The following YEATS2 variants were observed in gnomAD, a reference collection of about 807,000 sequenced individuals.
YEATS2 encodes YEATS domain containing 2, also known as YEATS domain-containing protein 2.
A neutral mutation model predicts 163.2 loss-of-function variants in YEATS2; 77 were observed. The observed-to-expected ratio is 0.47, with a 90% CI of 0.39 to 0.57. The LOEUF is 0.57. Ranked by LOEUF, YEATS2 falls within the 20% of genes least tolerant of loss-of-function variation. YEATS2 has a pLI of 0.00. For synonymous variants in YEATS2, 631 were observed against 645.1 expected (o/e 0.98, Z 0.33); for missense variants, 1,549 against 1,729.8 (o/e 0.90, Z 1.85).
intron 30 of YEATS2, 31 bp from the exon 31 acceptor site, chr3:183,810,444 A>G (rs893202898): frequency 1.3e-6 from 2 of 1,573,358 alleles, no homozygotes; most frequent in Non-Finnish European, 1.7e-6. Context: ...AGAGAATTTC[A>G]CCTGGTAACA....
At chr3:183,708,412 G>A (rs1215646568) in intron 1 of YEATS2, among the ~76,000 whole-genome samples, 3 of 152,194 alleles carry the variant, frequency 2.0e-5, no homozygotes, top group Non-Finnish European at 4.4e-5. Context: ...CAATGGTAGA[G>A]TTCTAGGACT....
At chr3:183,709,395 G>A (rs1307411841) in intron 1 of YEATS2, among the ~76,000 whole-genome samples, 1 of 151,600 alleles carries the variant, frequency 6.6e-6, no homozygotes, top group East Asian at 2.0e-4. Context: ...GCAGTGGCAT[G>A]ATCTCGGCTC....
intron 6 of YEATS2, among the ~76,000 whole-genome samples, chr3:183,725,064 T>TA (rs1553861059): frequency 4.5e-5 from 6 of 132,648 alleles, no homozygotes; most frequent in East Asian, 5.1e-4. Context: ...TTTTTTTTTT[T>TA]ATCGTTTTAT....
intron 8 of YEATS2, among the ~76,000 whole-genome samples, chr3:183,741,063 C>CA: frequency 6.6e-6 from 1 of 152,178 alleles, no homozygotes; most frequent in South Asian, 2.1e-4. Flanking sequence ...CTCAGCCTCC[C>CA]AAGTAGCTAG....
At position 183,786,187 on chromosome 3, in the gene YEATS2, A is replaced by G. The variant is rs1226307303; in HGVS notation, c.2799A>G (p.Pro933=). The G allele has an allele frequency of 1.9e-6, 3 of 1,614,076 alleles. No individual in the cohort carries two copies. The highest frequency in any genetic ancestry group is 2.7e-5 in the African/African-American group (2 of 74,930). Residue 933 remains proline (P), a synonymous_variant, in exon 20 of 31, where the codon CCA becomes CCG. Transcript: ENST00000305135. ...CCGATAGCACCTTGAAGACTGTGCC[A>G]GCCACCTCACAGCTCTCGAAGCCTG... The part of the protein sequence containing the change: ...KISDSTLKTV[P]ATSQLSKPGT...
In YEATS2 at chr3:183,756,646, C is replaced by A; in HGVS notation, c.1509C>A (p.Asp503Glu). The change falls in exon 12 of 31, where the codon GAC becomes GAA. Residue 503 changes from aspartate (D) to glutamate (E), a missense_variant. Physicochemically the swap from Asp to Glu is conservative, Grantham distance 45. Coordinates refer to ENST00000305135, the MANE Select transcript of YEATS2 (RefSeq NM_018023.5). ...TTAATAATCCTTATGTTATCATGGA[C>A]AAGCAGCCGGGGCAGGTGATTGGAG... is the stretch of plus-strand genomic sequence containing the variant. Reference protein sequence around the residue: ...SVINNPYVIMDKQPGQVIGAT... With the variant: ...SVINNPYVIMEKQPGQVIGAT... 1 of 1,596,700 alleles carries A rather than the reference C, an allele frequency of 6.3e-7. No homozygotes were observed. Among genetic ancestry groups the A allele is most frequent in the Non-Finnish European group, 8.5e-7 (1 of 1,171,958 alleles).
At chr3:183,800,215 C>T (rs1181613774) in intron 23 of YEATS2, among the ~76,000 whole-genome samples, 1 of 152,120 alleles carries the variant, frequency 6.6e-6, no homozygotes, top group Non-Finnish European at 1.5e-5. Flanking sequence ...TAAGAAATAT[C>T]TAAGGAGCCA....
chr3:183,762,250 G>A lies in YEATS2; in HGVS notation c.1918G>A (p.Ala640Thr). The A allele has an allele frequency of 6.2e-7, 1 of 1,607,140 alleles. No individual in the cohort carries two copies. Among genetic ancestry groups the A allele is most frequent in the Non-Finnish European group, 8.5e-7 (1 of 1,174,664 alleles). The stretch of plus-strand genomic sequence containing the variant: ...GGTCATAACTCCTGGAGAAGGGATT[G>A]CCCAGTCAGCAAAGGTTCAGCCCTC... ...KQVITPGEGI[A>T]QSAKVQPSKV... Residue 640 changes from alanine to threonine, a missense_variant, in exon 15 of 31, where the codon GCC (alanine) becomes ACC (threonine). Physicochemically the swap from Ala to Thr is moderately conservative, Grantham distance 58. Coordinates refer to ENST00000305135, the MANE Select transcript of YEATS2 (RefSeq NM_018023.5).
At chr3:183,797,675 G>A (rs1273026189) in intron 21 of YEATS2, among the ~76,000 whole-genome samples, 1 of 151,936 alleles carries the variant, frequency 6.6e-6, no homozygotes, top group Non-Finnish European at 1.5e-5. Context: ...GCACTAAGCC[G>A]AGATCGCGTC....
chr3:183,773,934 A>G, intron 17 of YEATS2, 140 bp downstream of exon 17: 1 of 974,930 alleles, frequency 1.0e-6, no homozygotes, highest in Non-Finnish European at 1.4e-6. Flanking sequence ...GCATTTGCTC[A>G]GATGGATTTA....
chr3:183,810,597 C>A lies in YEATS2; in HGVS notation c.*14C>A. 6.2e-7 allele frequency: 1 copy of A among 1,609,434 alleles called. No individual in the cohort carries two copies. The highest frequency in any genetic ancestry group is 8.5e-7 in the Non-Finnish European group (1 of 1,176,024). ...GAGGACCAGTGAGCGGAGTGAGGTG[C>A]CCTGGAGAAGCAGGCTTTGAAGGCA... is the stretch of plus-strand genomic sequence containing the variant. On this transcript the variant is annotated 3_prime_UTR_variant, in exon 31 of 31. Transcript: ENST00000305135.
intron 8 of YEATS2, among the ~76,000 whole-genome samples, chr3:183,740,595 C>T (rs991728480): frequency 6.6e-6 from 1 of 152,218 alleles, no homozygotes; most frequent in Non-Finnish European, 1.5e-5. Flanking sequence ...CCTAGCTCTT[C>T]AATTCTGTCA....
intron 4 of YEATS2, 112 bp from the exon 5 acceptor site, chr3:183,721,779 G>C: frequency 1.4e-6 from 2 of 1,414,266 alleles, no homozygotes; most frequent in South Asian, 2.8e-5. Context: ...GGGAGATTTT[G>C]AAAGATTTTA....
At chr3:183,703,824 G>A (rs544021511) in intron 1 of YEATS2, among the ~76,000 whole-genome samples, 1 of 152,040 alleles carries the variant, frequency 6.6e-6, no homozygotes, top group Non-Finnish European at 1.5e-5. Context: ...TTCAGGAAAT[G>A]GATCATATGT....
chr3:183,711,314 A>C (rs549905084), intron 1 of YEATS2, among the ~76,000 whole-genome samples: 2 of 143,074 alleles, frequency 1.4e-5, no homozygotes, highest in Non-Finnish European at 3.0e-5. Context: ...ACAAAAATAC[A>C]AAAAAAAAAT....
intron 19 of YEATS2, among the ~76,000 whole-genome samples, chr3:183,778,581 C>T (rs747478951): frequency 1.3e-5 from 2 of 152,088 alleles, no homozygotes; most frequent in Non-Finnish European, 1.5e-5. Context: ...GTCTCCAGCT[C>T]GTGACCTCAG....
intron 1 of YEATS2, among the ~76,000 whole-genome samples, chr3:183,712,634 C>T (rs1715388197): frequency 6.6e-6 from 1 of 152,118 alleles, no homozygotes; most frequent in Non-Finnish European, 1.5e-5. Flanking sequence ...TAGATTAACA[C>T]TGTAAGGGAT....
At chr3:183,709,652 A>T (rs1714978659) in intron 1 of YEATS2, among the ~76,000 whole-genome samples, 1 of 148,454 alleles carries the variant, frequency 6.7e-6, no homozygotes, top group Non-Finnish European at 1.5e-5. Context: ...ACTTTTTATA[A>T]TGAGGCTGTT....
rs1284600052 is a variant in YEATS2, at chr3:183,806,948, G to C, written c.3867G>C (p.Glu1289Asp). The change falls in exon 28 of 31, where the codon GAG (glutamate) becomes GAC (aspartate). Residue 1289 changes from glutamate (E) to aspartate (D), a missense_variant. Coordinates refer to ENST00000305135, the MANE Select transcript of YEATS2 (RefSeq NM_018023.5). The part of the protein sequence containing the change: ...DLQQFQKREP[E>D]NEEEVDILSL... ...AACAGTTCCAGAAAAGGGAACCCGA[G>C]AATGAGGAGGAGGTGGACATCCTCA... is the stretch of plus-strand genomic sequence containing the variant. 1 of 1,614,152 alleles carries C rather than the reference G, an allele frequency of 6.2e-7. No individual in the cohort carries two copies. The highest frequency in any genetic ancestry group is 8.5e-7 in the Non-Finnish European group (1 of 1,180,040).
Sources: allele counts gnomAD v4.1 joint callset (sites outside exome capture counted in the v4.1 genomes callset), GRCh38; gene constraint gnomAD v4.1.1; transcripts MANE v1.5; gene names NCBI Gene and HGNC (gene_info 2026-07-23, HGNC 2026-07-21).